Variants in MALT1 observed in about 807,000 individuals in gnomAD.
MALT1 encodes MALT1 paracaspase.
A neutral mutation model predicts 85.5 loss-of-function variants in MALT1; 36 were observed. The ratio of observed to expected loss-of-function variants is 0.42; its 90% CI spans 0.32 to 0.56. The LOEUF (loss-of-function observed/expected upper bound fraction) is 0.56. Ranked by LOEUF, MALT1 falls within the 20% of genes least tolerant of loss-of-function variation. The probability of loss-of-function intolerance (pLI) is 0.10; values close to 1 mark genes in which losing one functional copy is unlikely to be tolerated. For missense variants in MALT1, 716 were observed against 981.6 expected, an observed-to-expected ratio of 0.73 and a Z score of 3.62; for synonymous variants, 359 against 361.3, an observed-to-expected ratio of 0.99 and a Z score of 0.07.
At chr18:58,730,258 G>A (rs1335468515) in intron 10 of MALT1, among the ~76,000 whole-genome samples, 1 of 152,098 alleles carries the variant, frequency 6.6e-6, no homozygotes, top group Admixed American at 6.5e-5. Flanking sequence ...CCTAACTTCA[G>A]AACATTTCCA....
At chr18:58,679,391 T>C (rs2054287623) in intron 1 of MALT1, among the ~76,000 whole-genome samples, 1 of 152,270 alleles carries the variant, frequency 6.6e-6, no homozygotes, top group Non-Finnish European at 1.5e-5. Context: ...TCTGCAGTTG[T>C]ATCAGGAGAG....
chr18:58,723,115 T>C lies in MALT1; in HGVS notation c.1086T>C (p.Pro362=), dbSNP rs2055007325. The C allele has an allele frequency of 6.2e-7, 1 of 1,614,086 alleles. No individual in the cohort carries two copies. Among genetic ancestry groups the C allele is most frequent in the African/African-American group, 1.3e-5 (1 of 75,036 alleles). ...GGGAGCACCCCAAGCTCAAAGCTCC[T>C]TTGGTGGATGTGTACGAATTGACTA... ...NYREHPKLKA[P]LVDVYELTNL... is the part of the protein sequence containing the mutation. The change falls in exon 10 of 17, where the codon CCT becomes CCC. Residue 362 remains proline (P), a synonymous_variant. Transcript: ENST00000649217.
intron 1 of MALT1, among the ~76,000 whole-genome samples, chr18:58,680,916 C>T (rs1392707918): frequency 6.2e-5 from 7 of 112,822 alleles, no homozygotes; most frequent in East Asian, 2.6e-4. Context: ...GGCGACAGAG[C>T]GAGACTCCGT....
chr18:58,700,845 G>T (rs1180336819), intron 4 of MALT1, among the ~76,000 whole-genome samples: 1 of 151,896 alleles, frequency 6.6e-6, no homozygotes, highest in African/African-American at 2.4e-5. Flanking sequence ...GGAGTGCAGT[G>T]GTGCCATCTG....
chr18:58,699,984 T>C (rs539611529), intron 3 of MALT1, among the ~76,000 whole-genome samples: 1 of 152,368 alleles, frequency 6.6e-6, no homozygotes, highest in Non-Finnish European at 1.5e-5. Flanking sequence ...GTCCGGGGTC[T>C]CAAGGTGAAA....
chr18:58,747,016 C>T (rs1192346693), intron 16 of MALT1, among the ~76,000 whole-genome samples: 1 of 152,222 alleles, frequency 6.6e-6, no homozygotes, highest in Non-Finnish European at 1.5e-5. Flanking sequence ...GCGTGAGCCA[C>T]CACGCCGGGC....
rs571792460 is a variant in MALT1 at position 58,716,281 on chromosome 18, C to G, written c.1018+314C>G. Among the ~76,000 whole-genome samples the G allele has an allele frequency of 6.6e-5, 10 of 152,304 alleles. No homozygotes were observed. The South Asian group carries it at 2.1e-3, about 32-fold the overall frequency. On this transcript the variant is annotated intron_variant, in intron 9 of 16. Coordinates refer to ENST00000649217, the MANE Select transcript of MALT1 (RefSeq NM_006785.4). ...TAGAGGAGGAAGTGGTTAGTGCTGTCTCTTGGTGAGGGATAGAAATCACAA... is the reference window on the plus strand; with the variant it reads ...TAGAGGAGGAAGTGGTTAGTGCTGTGTCTTGGTGAGGGATAGAAATCACAA...
At chr18:58,732,334 C>T (rs896076016) in intron 10 of MALT1, among the ~76,000 whole-genome samples, 8 of 151,748 alleles carry the variant, frequency 5.3e-5, no homozygotes, top group Admixed American at 4.6e-4. Flanking sequence ...TTCAAGAAAA[C>T]ATTGAGTTGT....
In MALT1 at chr18:58,671,717, C is replaced by A; in HGVS notation, c.74C>A (p.Pro25Gln). The change falls in exon 1 of 17, where the codon CCG (proline) becomes CAG (glutamine). Residue 25 changes from proline to glutamine, a missense_variant. By Grantham distance (76) the Pro-to-Gln change is moderately conservative (BLOSUM62 -1). Transcript: ENST00000649217. ...AAPTGPLLAPPAGATLNRLRE... is the reference protein window; with the variant it reads ...AAPTGPLLAPQAGATLNRLRE... ...CCCACGGGGCCGCTGCTCGCCCCTC[C>A]GGCCGGCGCGACCCTCAACCGCCTG... 7.8e-7 allele frequency: 1 copy of A among 1,278,680 alleles called. No individual in the cohort carries two copies. Among genetic ancestry groups the A allele is most frequent in the South Asian group, 2.6e-5 (1 of 39,176 alleles). 79.2% of individuals were successfully genotyped at this position (1,278,680 alleles called of 1,614,324 possible).
At chr18:58,704,741 G>C (rs551458460) in intron 4 of MALT1, among the ~76,000 whole-genome samples, 3 of 152,266 alleles carry the variant, frequency 2.0e-5, no homozygotes, top group Admixed American at 1.3e-4. Flanking sequence ...ACCGCGCCTG[G>C]CCAGAACCAT....
At chr18:58,697,453 G>T (rs750232996) in intron 3 of MALT1, among the ~76,000 whole-genome samples, 1 of 152,140 alleles carries the variant, frequency 6.6e-6, no homozygotes, top group Non-Finnish European at 1.5e-5. Flanking sequence ...TTGGAACTCT[G>T]ACTGCCATTA....
rs1378859226 is a variant in MALT1 at position 58,750,772 on chromosome 18, T to C, written c.*2930T>C. On this transcript the variant is annotated 3_prime_UTR_variant, in exon 17 of 17. Coordinates refer to ENST00000649217, the MANE Select transcript of MALT1 (RefSeq NM_006785.4). ...ACCTCAATATAAGAGTTTAAACTCT[T>C]AGAAGAAAACAGAAGTAAATCTTTG... 4 of 152,168 alleles carry C rather than the reference T, an allele frequency of 2.6e-5. No homozygotes were observed. The highest frequency in any genetic ancestry group is 9.7e-5 in the African/African-American group (4 of 41,442). 9.4% of individuals were successfully genotyped at this position (152,168 alleles called of 1,614,324 possible). A position where few individuals can be genotyped will look rare whatever the true frequency, so the allele number is the denominator to read the frequency against.
At position 58,747,587 on chromosome 18, in the gene MALT1, T is replaced by A. The variant is rs781598781; in HGVS notation, c.2220T>A (p.Ser740=). 6.2e-6 allele frequency: 10 copies of A among 1,614,100 alleles called. No homozygotes were observed. In the Admixed American group the frequency reaches 1.0e-4, roughly 16 times the overall value. The change falls in exon 17 of 17, where the codon TCT becomes TCA. Residue 740 remains serine (S), a synonymous_variant. Transcript: ENST00000649217. ...CLMSNGPYQS[S]AATSGGAGHY... is the part of the protein sequence containing the mutation. The stretch of plus-strand genomic sequence containing the variant: ...TGTCTAATGGTCCTTACCAGAGTTC[T>A]GCAGCCACCTCAGGAGGAGCAGGGC...
chr18:58,714,877 A>G (rs1237545485), intron 8 of MALT1, among the ~76,000 whole-genome samples: 3 of 152,158 alleles, frequency 2.0e-5, no homozygotes, highest in South Asian at 2.1e-4. Context: ...AGAAAACCCT[A>G]TTACTTCTCC....
chr18:58,739,949 AAT>A (rs1249330168), intron 13 of MALT1, among the ~76,000 whole-genome samples: 1 of 152,202 alleles, frequency 6.6e-6, no homozygotes, highest in Non-Finnish European at 1.5e-5. Flanking sequence ...TCTGTTCCCT[AAT>A]GTTTATGGTA....
At position 58,737,373 on chromosome 18, in the gene MALT1, T is replaced by G. The variant is rs1452197962; in HGVS notation, c.1603+2044T>G. Among the ~76,000 whole-genome samples, 3 of 151,776 alleles carry G rather than the reference T, an allele frequency of 2.0e-5. No individual in the cohort carries two copies. The East Asian group carries it at 5.8e-4, about 29-fold the overall frequency. Reference sequence around the variant, plus strand: ...GGTGTGCACCTGCAGTGCCAGCTACTCGCGAGACTTAGGTGGGAGGATTGC... The same window carrying G: ...GGTGTGCACCTGCAGTGCCAGCTACGCGCGAGACTTAGGTGGGAGGATTGC... On this transcript the variant is annotated intron_variant, in intron 13 of 16. Coordinates refer to ENST00000649217, the MANE Select transcript of MALT1 (RefSeq NM_006785.4).
chr18:58,681,039 T>C, intron 1 of MALT1, 131 bp from the exon 2 acceptor site: 1 of 618,314 alleles, frequency 1.6e-6, no homozygotes, highest in South Asian at 2.6e-5. Flanking sequence ...GCATTCATTA[T>C]GTGAATAGTT....
intron 4 of MALT1, among the ~76,000 whole-genome samples, chr18:58,705,465 C>A (rs1174521610): frequency 9.7e-6 from 1 of 103,270 alleles, no homozygotes; most frequent in African/African-American, 3.8e-5. Context: ...CCAATGCTAT[C>A]CCTCCCCCCT....
intron 4 of MALT1, among the ~76,000 whole-genome samples, chr18:58,701,251 G>A (rs2054668066): frequency 6.6e-6 from 1 of 151,998 alleles, no homozygotes; most frequent in African/African-American, 2.4e-5. Context: ...CCATTACTCT[G>A]CCCTCACACA....
Sources: allele counts gnomAD v4.1 joint callset (sites outside exome capture counted in the v4.1 genomes callset), GRCh38; gene constraint gnomAD v4.1.1; transcripts MANE v1.5; gene names NCBI Gene and HGNC (gene_info 2026-07-23, HGNC 2026-07-21).